Variants in UNC79 observed in about 807,000 individuals in gnomAD.
UNC79 encodes protein unc-79 homolog.
UNC79 carries 37 observed loss-of-function variants against 283.1 expected under a neutral mutation model. The ratio of observed to expected loss-of-function variants is 0.13; its 90% CI spans 0.10 to 0.17. UNC79 has a LOEUF of 0.17. Among genes scored for constraint, UNC79 ranks in the 10% least tolerant of loss-of-function variants. UNC79 has a pLI of 1.00. For missense variants in UNC79, 2,272 were observed against 3,211.1 expected (o/e 0.71, Z 7.07); for synonymous variants, 1,107 against 1,200.2 (o/e 0.92, Z 1.61).
intron 1 of UNC79, among the ~76,000 whole-genome samples, chr14:93,390,584 A>G (rs1045114800): frequency 1.3e-5 from 2 of 152,192 alleles, no homozygotes; most frequent in Admixed American, 1.3e-4. Flanking sequence ...AGGTATAGAT[A>G]TATTATTAGC....
At chr14:93,333,877 G>C (rs940504050) in intron 1 of UNC79, among the ~76,000 whole-genome samples, 1 of 152,174 alleles carries the variant, frequency 6.6e-6, no homozygotes, top group Non-Finnish European at 1.5e-5. Flanking sequence ...AAGGAGACAG[G>C]CTCAGAAATA....
chr14:93,367,002 C>T (rs2054349336), intron 1 of UNC79, among the ~76,000 whole-genome samples: 1 of 152,164 alleles, frequency 6.6e-6, no homozygotes, highest in Admixed American at 6.5e-5. Flanking sequence ...GTTCCTGAGC[C>T]TCTTGTTTCA....
intron 7 of UNC79, among the ~76,000 whole-genome samples, chr14:93,507,407 T>G (rs2059600331): frequency 6.6e-6 from 1 of 152,256 alleles, no homozygotes; most frequent in South Asian, 2.1e-4. Flanking sequence ...GTCTGTGTTT[T>G]TAATTTTAGC....
intron 31 of UNC79, among the ~76,000 whole-genome samples, chr14:93,634,161 TAAAG>T (rs1432688516): frequency 6.6e-6 from 1 of 152,214 alleles, no homozygotes; most frequent in East Asian, 1.9e-4. Flanking sequence ...CAAGCTCTGT[TAAAG>T]AAAGTTAAGC....
At position 93,487,543 on chromosome 14, in the gene UNC79, A is replaced by G. The variant is rs1426922851; in HGVS notation, c.620-120A>G. 1.3e-5 allele frequency: 9 copies of G among 716,668 alleles called. No individual in the cohort carries two copies. The Admixed American group carries it at 2.6e-4, about 21-fold the overall frequency. The allele number at this position is 716,668 out of a possible 1,614,324, so 44.4% of individuals were successfully genotyped here. ...GTGGTTTCATTTGTGCAAAACTTCC[A>G]TTAGCTTTATTGGAGCTATTTTTTT... is the stretch of plus-strand genomic sequence containing the variant. On this transcript the variant is annotated intron_variant, in intron 4 of 48. Coordinates refer to ENST00000555664, the Ensembl canonical transcript of UNC79.
intron 1 of UNC79, among the ~76,000 whole-genome samples, chr14:93,385,172 A>G (rs1206366730): frequency 6.6e-6 from 1 of 152,158 alleles, no homozygotes; most frequent in African/African-American, 2.4e-5. Flanking sequence ...GGTTCCATAT[A>G]AATTTTAGAA....
At chr14:93,689,967 T>C (rs2074559800) in intron 44 of UNC79, 150 bp from the exon 48 acceptor site, 5 of 757,842 alleles carry the variant, frequency 6.6e-6, no homozygotes, top group Non-Finnish European at 1.1e-5. Context: ...AGATATATCA[T>C]TTTGTTGACA....
intron 41 of UNC79, among the ~76,000 whole-genome samples, chr14:93,681,551 A>C (rs889759778): frequency 6.6e-6 from 1 of 152,214 alleles, no homozygotes; most frequent in African/African-American, 2.4e-5. Context: ...CTCTAGTGTG[A>C]CAGGGACCGA....
At chr14:93,501,852 T>G (rs868229829) in intron 7 of UNC79, among the ~76,000 whole-genome samples, 3 of 152,150 alleles carry the variant, frequency 2.0e-5, no homozygotes, top group Non-Finnish European at 4.4e-5. Flanking sequence ...TCCCAACTAT[T>G]TATGATAAAA....
Position 93,671,347 on chromosome 14 carries a change from G to A in UNC79, c.6637-2004G>A, listed in dbSNP as rs2072830879. ...CCACTTCAAAGAAGAGAGAAAGGAA[G>A]AAAGAAAAGAGAGCACTGTATAGGT... is the stretch of plus-strand genomic sequence containing the variant. On this transcript the variant is annotated intron_variant, in intron 40 of 48. Transcript: ENST00000555664. Among the ~76,000 whole-genome samples, 4 of 151,788 alleles carry A rather than the reference G, an allele frequency of 2.6e-5. No homozygotes were observed. In the South Asian group the frequency reaches 8.3e-4, roughly 32 times the overall value.
chr14:93,393,661 C>T (rs1380955354), intron 1 of UNC79, among the ~76,000 whole-genome samples: 3 of 152,116 alleles, frequency 2.0e-5, no homozygotes, highest in Admixed American at 2.0e-4. Flanking sequence ...TTTATTTCAG[C>T]ATTTTCCTTA....
At chr14:93,643,106 C>A (rs1204836050) in intron 33 of UNC79, among the ~76,000 whole-genome samples, 1 of 152,160 alleles carries the variant, frequency 6.6e-6, no homozygotes, top group African/African-American at 2.4e-5. Flanking sequence ...CTGTCTCTTA[C>A]CCACAAATAG....
At position 93,413,159 on chromosome 14, in the gene UNC79, A is replaced by G. The variant is rs575164152; in HGVS notation, c.-350-54512A>G. ...TAACTCATCATTTAGCATTAGGTAT[A>G]TCTCCTAAAGCTATCCCTCCCCCCA... On this transcript the variant is annotated intron_variant, in intron 1 of 49. Transcript: ENST00000256339. Among the ~76,000 whole-genome samples the G allele has an allele frequency of 8.7e-5, 13 of 148,760 alleles. No homozygotes were observed. The East Asian group carries it at 2.5e-3, about 28-fold the overall frequency.
intron 11 of UNC79, among the ~76,000 whole-genome samples, chr14:93,536,398 C>T (rs1174159359): frequency 2.6e-5 from 4 of 152,140 alleles, no homozygotes; most frequent in Non-Finnish European, 5.9e-5. Context: ...CTAGGCCCCA[C>T]CCTCTGGGAG....
chr14:93,652,910 C>T (rs1010563780), intron 35 of UNC79, among the ~76,000 whole-genome samples: 6 of 152,232 alleles, frequency 3.9e-5, no homozygotes, highest in South Asian at 2.1e-4. Context: ...AGGGTTCTCT[C>T]CTTCTCTATT....
chr14:93,584,911 G>A (rs373253146), intron 20 of UNC79, among the ~76,000 whole-genome samples: 2 of 151,592 alleles, frequency 1.3e-5, no homozygotes, highest in African/African-American at 2.4e-5. Context: ...TAGCTAGGCC[G>A]GTCTCGAACT....
At chr14:93,550,066 G>C (rs1024555767) in intron 14 of UNC79, among the ~76,000 whole-genome samples, 11 of 152,302 alleles carry the variant, frequency 7.2e-5, no homozygotes, top group Non-Finnish European at 1.6e-4. Flanking sequence ...CAGAGAAACG[G>C]GGTCAGTGCT....
chr14:93,471,391 A>G (rs748627990), intron 2 of UNC79, among the ~76,000 whole-genome samples: 1 of 152,150 alleles, frequency 6.6e-6, no homozygotes, highest in East Asian at 1.9e-4. Flanking sequence ...CTGAAAGTCA[A>G]TGTTTGATAA....
chr14:93,376,615 A>C (rs955392246), intron 1 of UNC79, among the ~76,000 whole-genome samples: 5 of 152,166 alleles, frequency 3.3e-5, no homozygotes, highest in African/African-American at 1.2e-4. Context: ...TGGAACCAGA[A>C]GAGGTTCAGA....
Sources: allele counts gnomAD v4.1 joint callset (sites outside exome capture counted in the v4.1 genomes callset), GRCh38; gene constraint gnomAD v4.1.1; transcripts MANE v1.5; gene names NCBI Gene and HGNC (gene_info 2026-07-23, HGNC 2026-07-21).